The following PLCE1 variants were observed in gnomAD, a reference collection of about 807,000 sequenced individuals.
PLCE1 encodes 1-phosphatidylinositol 4,5-bisphosphate phosphodiesterase epsilon-1.
Under a neutral mutation model 242.8 loss-of-function variants are expected in PLCE1, and 119 were observed. The observed-to-expected ratio is 0.49, with a 90% CI of 0.42 to 0.57. The LOEUF (loss-of-function observed/expected upper bound fraction) is 0.57. PLCE1 is among the 20% of genes least tolerant of loss of function. The probability of loss-of-function intolerance (pLI) is 0.00; values close to 1 mark genes in which losing one functional copy is unlikely to be tolerated. For synonymous variants in PLCE1, 945 were observed against 1,017.4 expected, an observed-to-expected ratio of 0.93 and a Z score of 1.35; for missense variants, 2,441 against 2,788.8, an observed-to-expected ratio of 0.88 and a Z score of 2.81.
chr10:94,027,912 A>G (rs1417720488), intron 1 of PLCE1, among the ~76,000 whole-genome samples: 3 of 152,172 alleles, frequency 2.0e-5, no homozygotes, highest in Non-Finnish European at 2.9e-5. Flanking sequence ...GCTAGAAGAC[A>G]TCAGAAACCC....
At chr10:94,240,997 T>C (rs1031269696) in intron 7 of PLCE1, among the ~76,000 whole-genome samples, 5 of 152,226 alleles carry the variant, frequency 3.3e-5, no homozygotes, top group African/African-American at 1.2e-4. Context: ...CAAAATTGCA[T>C]AACATTCACT....
At chr10:94,116,171 C>T (rs1240646542) in intron 2 of PLCE1, among the ~76,000 whole-genome samples, 1 of 152,152 alleles carries the variant, frequency 6.6e-6, no homozygotes, top group Admixed American at 6.5e-5. Context: ...TCGTCATCAC[C>T]TTCCTCCCCT....
intron 3 of PLCE1, among the ~76,000 whole-genome samples, chr10:94,132,747 G>A (rs1175116815): frequency 1.3e-5 from 2 of 151,842 alleles, no homozygotes; most frequent in South Asian, 2.1e-4. Flanking sequence ...TCAGGAGATC[G>A]AGACCATCCT....
intron 32 of PLCE1, among the ~76,000 whole-genome samples, chr10:94,326,142 A>G (rs2054007631): frequency 6.6e-6 from 1 of 152,186 alleles, no homozygotes; most frequent in African/African-American, 2.4e-5. Flanking sequence ...CACCTGTTCC[A>G]TGGTAGTTCA....
At chr10:94,128,790 A>G (rs892898276) in intron 2 of PLCE1, among the ~76,000 whole-genome samples, 10 of 152,196 alleles carry the variant, frequency 6.6e-5, no homozygotes, top group Non-Finnish European at 1.5e-5. Context: ...GGTCAAAAAC[A>G]CATATACTAA....
intron 13 of PLCE1, among the ~76,000 whole-genome samples, chr10:94,260,921 C>T (rs2051274151): frequency 1.3e-5 from 2 of 152,150 alleles, no homozygotes; most frequent in African/African-American, 4.8e-5. Context: ...CCCACACAGA[C>T]TTTCTTCTGT....
chr10:94,243,066 T>C (rs190384813), intron 7 of PLCE1, among the ~76,000 whole-genome samples: 1 of 152,140 alleles, frequency 6.6e-6, no homozygotes, highest in East Asian at 1.9e-4. Context: ...GAGTAGAGTA[T>C]GGAAATGAGT....
At chr10:94,161,037 G>A (rs1329989147) in intron 3 of PLCE1, among the ~76,000 whole-genome samples, 1 of 152,178 alleles carries the variant, frequency 6.6e-6, no homozygotes, top group South Asian at 2.1e-4. Context: ...AAGTCAGGTA[G>A]TGTGATGCCT....
At chr10:94,289,348 C>T (rs2052569433) in intron 22 of PLCE1, among the ~76,000 whole-genome samples, 1 of 152,140 alleles carries the variant, frequency 6.6e-6, no homozygotes, top group African/African-American at 2.4e-5. Context: ...TTTAGCAGTG[C>T]CAATATGTTG....
At chr10:94,148,529 C>CT (rs2047182146) in intron 3 of PLCE1, among the ~76,000 whole-genome samples, 1 of 152,208 alleles carries the variant, frequency 6.6e-6, no homozygotes. Context: ...CTCACCTGCC[C>CT]TAGAAGGTCT....
chr10:94,088,767 CT>C (rs1180925199), intron 2 of PLCE1, among the ~76,000 whole-genome samples: 2 of 152,002 alleles, frequency 1.3e-5, no homozygotes, highest in South Asian at 4.2e-4. Context: ...ATTTGCTACC[CT>C]TTTTTTTAAA....
intron 23 of PLCE1, among the ~76,000 whole-genome samples, chr10:94,296,803 A>G (rs2052837116): frequency 6.6e-6 from 1 of 152,170 alleles, no homozygotes; most frequent in Admixed American, 6.5e-5. Flanking sequence ...CAAAATGCCT[A>G]ACTTTCAACC....
chr10:94,157,198 G>A (rs2047459667), intron 3 of PLCE1, among the ~76,000 whole-genome samples: 1 of 152,152 alleles, frequency 6.6e-6, no homozygotes, highest in African/African-American at 2.4e-5. Context: ...AGTTTCCATA[G>A]CCTGAAATGG....
chr10:94,149,241 C>T (rs1410670989), intron 3 of PLCE1, among the ~76,000 whole-genome samples: 3 of 152,146 alleles, frequency 2.0e-5, no homozygotes, highest in Non-Finnish European at 4.4e-5. Context: ...TCGGCATAGC[C>T]AGAGCAGCCC....
At chr10:94,099,717 T>C (rs1040808497) in intron 2 of PLCE1, 3 of 152,178 alleles carry the variant, frequency 2.0e-5, no homozygotes, top group African/African-American at 7.2e-5. Flanking sequence ...TACAGAACCA[T>C]CTATAAACAT....
At chr10:94,262,957 C>T (rs1371872822) in intron 14 of PLCE1, among the ~76,000 whole-genome samples, 11 of 150,670 alleles carry the variant, frequency 7.3e-5, no homozygotes, top group East Asian at 5.9e-4. Flanking sequence ...CTACAACCTC[C>T]GCCTCCCAGG....
chr10:94,303,219 T>C (rs775252908), intron 24 of PLCE1, among the ~76,000 whole-genome samples: 2 of 152,226 alleles, frequency 1.3e-5, no homozygotes, highest in Non-Finnish European at 2.9e-5. Context: ...TTACTGCACT[T>C]TGCCTTGATG....
chr10:94,273,170 G>T (rs890295840), intron 18 of PLCE1, among the ~76,000 whole-genome samples: 1 of 152,118 alleles, frequency 6.6e-6, no homozygotes, highest in Non-Finnish European at 1.5e-5. Context: ...CTATGTCTTT[G>T]TCCCTGCTCC....
intron 2 of PLCE1, among the ~76,000 whole-genome samples, chr10:94,112,139 A>G (rs1462614392): frequency 6.6e-6 from 1 of 152,144 alleles, no homozygotes; most frequent in African/African-American, 2.4e-5. Flanking sequence ...TTGATGGCTA[A>G]TTTATTTTCC....
Sources: allele counts gnomAD v4.1 joint callset (sites outside exome capture counted in the v4.1 genomes callset), GRCh38; gene constraint gnomAD v4.1.1; transcripts MANE v1.5; gene names NCBI Gene and HGNC (gene_info 2026-07-23, HGNC 2026-07-21).